NT5C3A: variants seen among roughly 807,000 people sequenced by gnomAD.
NT5C3A encodes the protein 5'-nucleotidase, cytosolic IIIA.
Under a neutral mutation model 40.0 loss-of-function variants are expected in NT5C3A, and 23 were observed. That is an observed-to-expected ratio of 0.58 (90% confidence interval 0.41 to 0.81). The LOEUF (loss-of-function observed/expected upper bound fraction) is 0.81, where lower values mean the gene tolerates loss of function less well. NT5C3A is among the 40% of genes least tolerant of loss of function. The pLI is 0.00. For synonymous variants in NT5C3A, 130 were observed against 141.4 expected (o/e 0.92, Z 0.57); for missense variants, 328 against 403.0 (o/e 0.81, Z 1.59).
chr7:33,059,747 A>G (rs1787705661), intron 1 of NT5C3A, among the ~76,000 whole-genome samples: 1 of 152,216 alleles, frequency 6.6e-6, no homozygotes, highest in Non-Finnish European at 1.5e-5. Flanking sequence ...GTATGACTCT[A>G]CAGTCTGTGC....
intron 5 of NT5C3A, among the ~76,000 whole-genome samples, chr7:33,020,390 C>T (rs1436352266): frequency 1.3e-5 from 2 of 152,188 alleles, no homozygotes. Flanking sequence ...CAGCTTCTAA[C>T]ATGTCAGTAA....
intron 1 of NT5C3A, among the ~76,000 whole-genome samples, chr7:33,037,328 T>C (rs1184928743): frequency 6.6e-6 from 1 of 152,190 alleles, no homozygotes; most frequent in Non-Finnish European, 1.5e-5. Flanking sequence ...GTTGCTGTGT[T>C]GGTAGTATAA....
intron 1 of NT5C3A, chr7:33,045,673 G>T (rs1787114769): frequency 6.6e-6 from 1 of 151,996 alleles, no homozygotes; most frequent in Non-Finnish European, 1.5e-5. Flanking sequence ...TTGTCAGGCT[G>T]GTCTCGATCT....
chr7:33,029,566 CAT>C (rs1786131786), intron 1 of NT5C3A: 1 of 849,174 alleles, frequency 1.2e-6, no homozygotes, highest in Non-Finnish European at 1.7e-6. Context: ...GGATATATAT[CAT>C]AGACTATTTT....
At chr7:33,053,091 G>A (rs1787434992) in intron 1 of NT5C3A, among the ~76,000 whole-genome samples, 3 of 152,156 alleles carry the variant, frequency 2.0e-5, no homozygotes, top group South Asian at 4.1e-4. Flanking sequence ...CCTCTTGCCC[G>A]CCAATCAATG....
At position 33,014,587 on chromosome 7, in the gene NT5C3A, T is replaced by A. The variant is rs538654675; in HGVS notation, c.*143A>T. ...GAAAAGGAGCTTCCAGTCAATGCAT[T>A]CACCATATCTGAAAATACTTCAGTT... is the stretch of plus-strand genomic sequence containing the variant. On this transcript the variant is annotated 3_prime_UTR_variant, in exon 9 of 9. Coordinates refer to ENST00000610140, the MANE Select transcript of NT5C3A (RefSeq NM_001002010.5). 160 of 1,232,424 alleles carry A rather than the reference T, an allele frequency of 1.3e-4. No individual in the cohort carries two copies. The Middle Eastern group carries it at 3.8e-3, about 29-fold the overall frequency. The allele number at this position is 1,232,424 out of a possible 1,614,324, so 76.3% of individuals were successfully genotyped here. A position where few individuals can be genotyped will look rare whatever the true frequency, so the allele number is the denominator to read the frequency against.
intron 1 of NT5C3A, among the ~76,000 whole-genome samples, chr7:33,044,257 T>C (rs773756265): frequency 1.1e-4 from 16 of 152,042 alleles, no homozygotes; most frequent in Non-Finnish European, 2.1e-4. Flanking sequence ...ACACATAACA[T>C]GAGAGGGCTT....
chr7:33,026,748 T>A, intron 2 of NT5C3A, 69 bp downstream of exon 2: 1 of 1,032,472 alleles, frequency 9.7e-7, no homozygotes. Context: ...CCTGCTTCAG[T>A]CTCCCAAAGT....
At chr7:33,021,921 G>A in intron 4 of NT5C3A, 132 bp downstream of exon 4, 1 of 683,002 alleles carries the variant, frequency 1.5e-6, no homozygotes, top group South Asian at 1.6e-5. Context: ...TTTACTGAGT[G>A]CTTACTATGT....
chr7:33,050,428 A>G (rs1787320223), intron 1 of NT5C3A, among the ~76,000 whole-genome samples: 1 of 152,226 alleles, frequency 6.6e-6, no homozygotes, highest in Non-Finnish European at 1.5e-5. Flanking sequence ...AATTTTATCT[A>G]GCAACTTGTT....
chr7:33,021,248 T>C (rs200664498), intron 5 of NT5C3A, 24 bp downstream of exon 5: 231 of 1,610,756 alleles, frequency 1.4e-4, no homozygotes, highest in Admixed American at 1.8e-4. Context: ...TTTTTAATCC[T>C]CCTACTGCCT....
intron 1 of NT5C3A, among the ~76,000 whole-genome samples, chr7:33,038,342 T>C (rs1786720369): frequency 6.6e-6 from 1 of 152,152 alleles, no homozygotes; most frequent in South Asian, 2.1e-4. Flanking sequence ...TCCTCTTTAT[T>C]CTCTACCTCT....
chr7:33,046,356 C>T (rs1787152550), intron 1 of NT5C3A, among the ~76,000 whole-genome samples: 1 of 151,972 alleles, frequency 6.6e-6, no homozygotes, highest in Non-Finnish European at 1.5e-5. Context: ...GGGCAACATA[C>T]AGAGGCCCTG....
intron 5 of NT5C3A, 117 bp from the exon 6 acceptor site, chr7:33,019,841 T>C (rs1785530034): frequency 1.4e-6 from 1 of 696,344 alleles, no homozygotes; most frequent in African/African-American, 1.8e-5. Context: ...TGGATTTAAA[T>C]TTTAGAGATT....
At chr7:33,027,179 C>T (rs1037074014) in intron 1 of NT5C3A, 6 of 395,800 alleles carry the variant, frequency 1.5e-5, no homozygotes, top group African/African-American at 1.0e-4. Context: ...AAATGATCCT[C>T]CCATCTCAGC....
intron 1 of NT5C3A, among the ~76,000 whole-genome samples, chr7:33,030,518 T>C (rs1285423264): frequency 6.6e-6 from 1 of 152,186 alleles, no homozygotes; most frequent in Admixed American, 6.5e-5. Context: ...ATTTCCATCA[T>C]TTGTGATAAA....
chr7:33,036,167 T>A lies in NT5C3A; in HGVS notation c.139-9252A>T, dbSNP rs117801598. Reference sequence around the variant, plus strand: ...ATGTACAAAGAACTAACATGGTTTCTTTCATTGGGTGGATGCCTTGGATAA... The same window carrying A: ...ATGTACAAAGAACTAACATGGTTTCATTCATTGGGTGGATGCCTTGGATAA... On this transcript the variant is annotated intron_variant, in intron 1 of 8. Transcript: ENST00000610140. The A allele has an allele frequency of 1.6e-4, 96 of 610,160 alleles. 1 individual carries two copies. In the East Asian group the frequency reaches 2.6e-3, roughly 17 times the overall value. The allele number at this position is 610,160 out of a possible 1,614,324, so 37.8% of individuals were successfully genotyped here.
At chr7:33,017,906 A>T (rs879555999) in intron 6 of NT5C3A, among the ~76,000 whole-genome samples, 12 of 152,248 alleles carry the variant, frequency 7.9e-5, no homozygotes, top group Non-Finnish European at 1.2e-4. Flanking sequence ...ATAGGCAGGC[A>T]TAGCAGTGCA....
At position 33,047,820 on chromosome 7, in the gene NT5C3A, G is replaced by A. The variant is rs1010050867; in HGVS notation, c.138+14748C>T. Among the ~76,000 whole-genome samples the A allele has an allele frequency of 2.0e-5, 3 of 152,178 alleles. No homozygotes were observed. In the South Asian group the frequency reaches 6.2e-4, roughly 32 times the overall value. ...AAAAGAATCAATACAAAATAAAATAGATAAATTATTTATTTATTTGAGACA... is the reference window on the plus strand; with the variant it reads ...AAAAGAATCAATACAAAATAAAATAAATAAATTATTTATTTATTTGAGACA... On this transcript the variant is annotated intron_variant, in intron 1 of 8. Coordinates refer to ENST00000610140, the MANE Select transcript of NT5C3A (RefSeq NM_001002010.5).
Sources: allele counts gnomAD v4.1 joint callset (sites outside exome capture counted in the v4.1 genomes callset), GRCh38; gene constraint gnomAD v4.1.1; transcripts MANE v1.5; gene names NCBI Gene and HGNC (gene_info 2026-07-23, HGNC 2026-07-21).